Variants in DPP9 observed in about 807,000 individuals in gnomAD.
The protein encoded by DPP9 is dipeptidyl peptidase IV-related protein-2.
Under a neutral mutation model 110.7 loss-of-function variants are expected in DPP9, and 50 were observed. The observed-to-expected ratio is 0.45, with a 90% confidence interval of 0.36 to 0.57. DPP9 has a LOEUF of 0.57. DPP9 is among the 20% of genes least tolerant of loss of function. The pLI is 0.00. For synonymous variants in DPP9, 561 were observed against 514.4 expected (o/e 1.09, Z -1.23); for missense variants, 1,022 against 1,217.9 (o/e 0.84, Z 2.39).
At chr19:4,713,045 G>A (rs928089156) in intron 4 of DPP9, among the ~76,000 whole-genome samples, 6 of 152,226 alleles carry the variant, frequency 3.9e-5, no homozygotes, top group Non-Finnish European at 8.8e-5. Context: ...AACACTTGGC[G>A]ATGTCTGAGG....
rs1568319347 is a variant in DPP9, at chr19:4,700,734, C to A, written c.1013-457G>T. 6.6e-6 allele frequency among the ~76,000 whole-genome samples: 1 copy of A among 152,180 alleles called. No individual in the cohort carries two copies. Among genetic ancestry groups the A allele is most frequent in the Non-Finnish European group, 1.5e-5 (1 of 68,032 alleles). ...GGAGCCCGTGTGACAGCCAGACCTG[C>A]GCCCTCCGGAGGCCAATGGCGACAG... On this transcript the variant is annotated intron_variant, in intron 9 of 21. Coordinates refer to ENST00000262960, the MANE Select transcript of DPP9 (RefSeq NM_139159.5). This position sits in a 1 kb window ranked among gnomAD's most constrained non-coding sequence, Gnocchi z 4.3.
Position 4,682,474 on chromosome 19 carries a change from C to A in DPP9, c.2474+222G>T, listed in dbSNP as rs537815361. On this transcript the variant is annotated intron_variant, in intron 20 of 21. Coordinates refer to ENST00000262960, the MANE Select transcript of DPP9 (RefSeq NM_139159.5). This position sits in a 1 kb window ranked among gnomAD's most constrained non-coding sequence, Gnocchi z 7.1. ...TTCCCCAGACAAGCATCCCTGGGTG[C>A]CCCTTCCTGCAAGGTGCAGTGAGGA... is the stretch of plus-strand genomic sequence containing the variant. 6.6e-6 allele frequency among the ~76,000 whole-genome samples: 1 copy of A among 152,168 alleles called. No individual in the cohort carries two copies. The highest frequency in any genetic ancestry group is 1.5e-5 in the Non-Finnish European group (1 of 68,002).
Position 4,684,894 on chromosome 19 carries a change from C to G in DPP9, c.2032-85G>C. 6.5e-7 allele frequency: 1 copy of G among 1,529,192 alleles called. No individual in the cohort carries two copies. The highest frequency in any genetic ancestry group is 8.9e-7 in the Non-Finnish European group (1 of 1,129,930). 94.7% of individuals were successfully genotyped at this position (1,529,192 alleles called of 1,614,324 possible). Reference sequence around the variant, plus strand: ...GGGGAGATGCCGGTGGGCTGGGGACCGGGCCGGGCTGGGGCCTCAGAGCCT... The same window carrying G: ...GGGGAGATGCCGGTGGGCTGGGGACGGGGCCGGGCTGGGGCCTCAGAGCCT... On this transcript the variant is annotated intron_variant, in intron 17 of 21. Transcript: ENST00000262960. This position sits in a 1 kb window ranked among gnomAD's most constrained non-coding sequence, Gnocchi z 4.8.
chr19:4,704,018 A>G lies in DPP9; in HGVS notation c.637T>C (p.Cys213Arg). ...TTGGGGTCCATCCGGGGCCCTGAGC[A>G]CTGGGTCTTGATTTCCAGCGGTTTC... is the stretch of plus-strand genomic sequence containing the variant. ...PMKPLEIKTQCSGPRMDPKIC... is the reference protein window; with the variant it reads ...PMKPLEIKTQRSGPRMDPKIC... The change falls in exon 7 of 22, where the codon TGC becomes CGC. Residue 213 changes from cysteine (C) to arginine (R), a missense_variant. Around this residue, in one of 3 missense-constraint regions of DPP9, gnomAD observed 810 missense variants for 920.6 expected, o/e 0.88. Transcript: ENST00000262960. The surrounding 1 kb of genome is among the most constrained non-coding windows in gnomAD (Gnocchi z 6.0). The G allele has an allele frequency of 6.2e-7, 1 of 1,614,032 alleles. No homozygotes were observed. Among genetic ancestry groups the G allele is most frequent in the Non-Finnish European group, 8.5e-7 (1 of 1,179,886 alleles).
chr19:4,714,023 A>G, intron 4 of DPP9, 58 bp downstream of exon 4: 1 of 1,537,850 alleles, frequency 6.5e-7, no homozygotes, highest in East Asian at 2.3e-5. Context: ...AGAGAGGACC[A>G]GGGAACTGTG....
rs2091109631 is a variant in DPP9, at chr19:4,689,454, T to G, written c.1749+116A>C. On this transcript the variant is annotated intron_variant, in intron 15 of 21. Transcript: ENST00000262960. The surrounding 1 kb of genome is among the most constrained non-coding windows in gnomAD (Gnocchi z 7.0). Reference sequence around the variant, plus strand: ...GGCACTGCCTGCCCCAAGGCAGCTATGAGAATGCGAGACCATGAGAATGAC... The same window carrying G: ...GGCACTGCCTGCCCCAAGGCAGCTAGGAGAATGCGAGACCATGAGAATGAC... The G allele has an allele frequency of 1.7e-4, 232 of 1,336,192 alleles. No homozygotes were observed. Among genetic ancestry groups the G allele is most frequent in the East Asian group, 5.9e-4 (22 of 36,988 alleles). 82.8% of individuals were successfully genotyped at this position (1,336,192 alleles called of 1,614,324 possible).
chr19:4,703,403 T>C (rs889616538), intron 7 of DPP9, among the ~76,000 whole-genome samples: 1 of 149,594 alleles, frequency 6.7e-6, no homozygotes, highest in Admixed American at 6.7e-5. Context: ...GGCAGGTAGA[T>C]CATTTGAGGT....
In DPP9 at chr19:4,695,056, TG is replaced by T; in HGVS notation, c.1354-234del. ...GTCCTAGCTACTCTGGAGGCTGAGG[TG>T]GGAGGATCACTTAGGCCCAGGAGGT... On this transcript the variant is annotated intron_variant, in intron 12 of 21. Transcript: ENST00000262960. The surrounding 1 kb of genome is among the most constrained non-coding windows in gnomAD (Gnocchi z 4.7). 1.7e-6 allele frequency: 1 copy of T among 598,768 alleles called. No homozygotes were observed. The highest frequency in any genetic ancestry group is 3.0e-5 in the Admixed American group (1 of 33,414). 37.1% of individuals were successfully genotyped at this position (598,768 alleles called of 1,614,324 possible). A position where few individuals can be genotyped will look rare whatever the true frequency, so the allele number is the denominator to read the frequency against.
chr19:4,689,687 GA>G lies in DPP9; in HGVS notation c.1631del (p.Phe544SerfsTer38). The G allele has an allele frequency of 1.3e-6, 2 of 1,556,410 alleles. No individual in the cohort carries two copies. The highest frequency in any genetic ancestry group is 1.7e-6 in the Non-Finnish European group (2 of 1,149,716). On this transcript the variant is annotated frameshift_variant, in exon 15 of 22. Coordinates refer to ENST00000262960, the MANE Select transcript of DPP9 (RefSeq NM_139159.5). LOFTEE classifies it high-confidence loss of function. The surrounding 1 kb of genome is among the most constrained non-coding windows in gnomAD (Gnocchi z 7.0). ...CCAGCGGCGTGTCCTTGGTGCCCTG[GA>G]AGTACACCAGCTTGGTCTCCTCATT... is the stretch of plus-strand genomic sequence containing the variant. ...WVNEETKLVY[F>X]QGTKDTPLEH...
intron 21 of DPP9, among the ~76,000 whole-genome samples, chr19:4,678,951 T>C (rs910938695): frequency 6.6e-6 from 1 of 152,042 alleles, no homozygotes; most frequent in Non-Finnish European, 1.5e-5. Context: ...CCCAACTCTA[T>C]GCTCTGCTCA....
In DPP9 at chr19:4,682,592, T is replaced by C; in HGVS notation, c.2474+104A>G. ...AGGCTCCACATGGCCTGAGGCTCCC[T>C]GGGCAGGGCCAGCTGGGGCAGGAGG... On this transcript the variant is annotated intron_variant, in intron 20 of 21. Transcript: ENST00000262960. This position sits in a 1 kb window ranked among gnomAD's most constrained non-coding sequence, Gnocchi z 7.1. 1 of 1,501,356 alleles carries C rather than the reference T, an allele frequency of 6.7e-7. No homozygotes were observed. The highest frequency in any genetic ancestry group is 8.9e-7 in the Non-Finnish European group (1 of 1,120,176). 93.0% of individuals were successfully genotyped at this position (1,501,356 alleles called of 1,614,324 possible).
At position 4,716,133 on chromosome 19, in the gene DPP9, G is replaced by A. The variant is rs72977995; in HGVS notation, c.57-1796C>T. On this transcript the variant is annotated intron_variant, in intron 3 of 21. Coordinates refer to ENST00000262960, the MANE Select transcript of DPP9 (RefSeq NM_139159.5). ...TTGCTTGGAGGAAGTGGGAAAACCC[G>A]CGGGAGTGGACAGCAGGGACTGGGT... 967 of 152,390 alleles carry A rather than the reference G, an allele frequency of 6.3e-3. 11 individuals are homozygous for A. The highest frequency in any genetic ancestry group is 0.038 in the South Asian group (182 of 4,832). The allele number at this position is 152,390 out of a possible 1,614,324, so 9.4% of individuals were successfully genotyped here. A position where few individuals can be genotyped will look rare whatever the true frequency, so the allele number is the denominator to read the frequency against.
intron 16 of DPP9, chr19:4,688,502 C>T (rs2091003657): frequency 9.8e-6 from 4 of 406,840 alleles, no homozygotes; most frequent in Non-Finnish European, 1.7e-5. Context: ...AGGGGGTTGG[C>T]ACGGAGCTGC....
At chr19:4,702,390 G>A (rs2092318196) in intron 8 of DPP9, among the ~76,000 whole-genome samples, 1 of 152,174 alleles carries the variant, frequency 6.6e-6, no homozygotes, top group African/African-American at 2.4e-5. Context: ...AACTGGCATG[G>A]GAAGTGGCCA....
At position 4,709,509 on chromosome 19, in the gene DPP9, T is replaced by C. The variant is rs2092735592; in HGVS notation, c.314-3539A>G. ...CTCAATCTCTAAGAGCCCTTGAAGCTGCCAGGACCCTGCCCGTCCGGCCGC... is the reference window on the plus strand; with the variant it reads ...CTCAATCTCTAAGAGCCCTTGAAGCCGCCAGGACCCTGCCCGTCCGGCCGC... On this transcript the variant is annotated intron_variant, in intron 4 of 21. Coordinates refer to ENST00000262960, the MANE Select transcript of DPP9 (RefSeq NM_139159.5). Among the ~76,000 whole-genome samples the C allele has an allele frequency of 3.3e-5, 5 of 152,150 alleles. No homozygotes were observed. In the South Asian group the frequency reaches 1.0e-3, roughly 32 times the overall value.
At chr19:4,717,147 C>T (rs1480546190) in intron 3 of DPP9, among the ~76,000 whole-genome samples, 3 of 152,176 alleles carry the variant, frequency 2.0e-5, no homozygotes, top group Non-Finnish European at 2.9e-5. Flanking sequence ...GCAGGGCCAG[C>T]GTGTCCTGCC....
At position 4,714,084 on chromosome 19, in the gene DPP9, G is replaced by T. The variant is rs1387188762; in HGVS notation, c.310C>A (p.Leu104Met). The T allele has an allele frequency of 6.2e-7, 1 of 1,611,168 alleles. No homozygotes were observed. Among genetic ancestry groups the T allele is most frequent in the Admixed American group, 1.7e-5 (1 of 59,736 alleles). ...CAGCCTGCAGGGCCCGGCTTACCCA[G>T]GTAGTAGAGGCGGTGGGAGTGGGGC... ...SGPHSHRLYY[L>M]GMPYGSRENS... Residue 104 changes from leucine (L) to methionine (M), a missense_variant, in exon 4 of 22, where the codon CTG (leucine) becomes ATG (methionine). Around this residue, in one of 3 missense-constraint regions of DPP9, gnomAD observed 810 missense variants for 920.6 expected, o/e 0.88. Transcript: ENST00000262960.
intron 5 of DPP9, among the ~76,000 whole-genome samples, chr19:4,705,032 C>A (rs1305794626): frequency 2.6e-5 from 4 of 152,036 alleles, no homozygotes; most frequent in Admixed American, 2.6e-4. Context: ...AAAATTACCC[C>A]TACACTCTGT....
rs774511449 is a variant in DPP9 at position 4,719,933 on chromosome 19, CA to C, written c.-28del. 6.4e-7 allele frequency: 1 copy of C among 1,551,538 alleles called. No homozygotes were observed. Among genetic ancestry groups the C allele is most frequent in the African/African-American group, 1.4e-5 (1 of 73,068 alleles). Reference sequence around the variant, plus strand: ...AACCGCTCAGCTGACCTCAGGAGGGCAGGGGTGCCTGCGGGCAAGTGGGAGG... The same window carrying C: ...AACCGCTCAGCTGACCTCAGGAGGGCGGGGTGCCTGCGGGCAAGTGGGAGG... On this transcript the variant is annotated 5_prime_UTR_variant, in exon 3 of 22. Coordinates refer to ENST00000262960, the MANE Select transcript of DPP9 (RefSeq NM_139159.5).
Sources: gnomAD v4.1 joint callset for allele counts (sites outside exome capture counted in the v4.1 genomes callset) on GRCh38, gnomAD v4.1.1 for gene constraint, gnomAD v4.1.1 regional missense constraint, Gnocchi (gnomAD v3.1) non-coding constraint, MANE v1.5 for transcripts, NCBI Gene and HGNC (gene_info 2026-07-23, HGNC 2026-07-21) for gene names.